Variants in CHODL observed in about 807,000 individuals in gnomAD.
The protein encoded by CHODL is transmembrane protein MT75.
Under a neutral mutation model 34.5 loss-of-function variants are expected in CHODL, and 29 were observed. The observed-to-expected ratio is 0.84, with a 90% confidence interval of 0.63 to 1.15. CHODL has a LOEUF of 1.15. Ranked by LOEUF, CHODL falls within the 50% of genes most tolerant of loss-of-function variation. The pLI is 0.00. For synonymous variants in CHODL, 125 were observed against 116.1 expected, an observed-to-expected ratio of 1.08 and a Z score of -0.49; for missense variants, 332 against 332.5, an observed-to-expected ratio of 1.00 and a Z score of 0.01.
intron 2 of CHODL, among the ~76,000 whole-genome samples, chr21:18,088,900 TC>T (rs2065039314): frequency 6.6e-6 from 1 of 152,142 alleles, no homozygotes; most frequent in African/African-American, 2.4e-5. Flanking sequence ...AAATCAGCAC[TC>T]CTTACCTAGC....
intron 2 of CHODL, among the ~76,000 whole-genome samples, chr21:18,028,255 T>TCTCC: frequency 1.4e-5 from 1 of 69,740 alleles, no homozygotes. Flanking sequence ...CCCTTTTCCT[T>TCTCC]TTCTTTTTCT....
chr21:17,919,539 C>T (rs1274036591), intron 1 of CHODL, among the ~76,000 whole-genome samples: 3 of 152,084 alleles, frequency 2.0e-5, no homozygotes, highest in Non-Finnish European at 4.4e-5. Flanking sequence ...AGCAGAGGGA[C>T]CCTAGGTCTG....
chr21:17,935,898 A>G (rs1388300160), intron 1 of CHODL, among the ~76,000 whole-genome samples: 1 of 152,194 alleles, frequency 6.6e-6, no homozygotes, highest in East Asian at 1.9e-4. Flanking sequence ...CACTATTTGA[A>G]AGCAATAAAA....
intron 2 of CHODL, among the ~76,000 whole-genome samples, chr21:18,236,440 C>A (rs1465631439): frequency 2.0e-5 from 3 of 152,028 alleles, no homozygotes; most frequent in African/African-American, 7.2e-5. Flanking sequence ...AGCATTTAGA[C>A]CCTTATCTCA....
chr21:18,085,919 T>A (rs1237875229), intron 2 of CHODL, among the ~76,000 whole-genome samples: 1 of 152,128 alleles, frequency 6.6e-6, no homozygotes, highest in Non-Finnish European at 1.5e-5. Flanking sequence ...ATGGGAAGTT[T>A]TCATTGATTA....
rs543342430 is a variant in CHODL at position 17,956,730 on chromosome 21, G to GT, written c.-145+39336dup. On this transcript the variant is annotated intron_variant, in intron 1 of 6. Coordinates refer to the CHODL transcript ENST00000400127. Reference sequence around the variant, plus strand: ...AGAAGGGGCCAGAAAATTATCTGGAGTTTTTTCTATGAGTGCACTAATCCC... The same window carrying GT: ...AGAAGGGGCCAGAAAATTATCTGGAGTTTTTTTCTATGAGTGCACTAATCCC... 6.8e-4 allele frequency among the ~76,000 whole-genome samples: 92 copies of GT among 136,252 alleles called. 12 individuals are homozygous for GT. Among genetic ancestry groups the GT allele is most frequent in the East Asian group, 2.4e-3 (11 of 4,538 alleles). The allele number at this position is 136,252 out of a possible 152,430, so 89.4% of individuals were successfully genotyped here.
intron 2 of CHODL, among the ~76,000 whole-genome samples, chr21:18,033,797 A>G (rs541113743): frequency 8.5e-5 from 13 of 152,142 alleles, no homozygotes; most frequent in Admixed American, 8.5e-4. Context: ...CTGGGAAAGA[A>G]CTCAACATAA....
chr21:18,150,482 C>T (rs1224052636), intron 2 of CHODL, among the ~76,000 whole-genome samples: 1 of 152,008 alleles, frequency 6.6e-6, no homozygotes, highest in Admixed American at 6.6e-5. Flanking sequence ...GCCGGTATCC[C>T]AAGATCACAA....
intron 4 of CHODL, among the ~76,000 whole-genome samples, chr21:18,260,502 C>T (rs1466770372): frequency 6.6e-6 from 1 of 152,098 alleles, no homozygotes; most frequent in Non-Finnish European, 1.5e-5. Flanking sequence ...TGGTACTAAA[C>T]TAAGTGATCC....
chr21:18,261,461 T>A (rs529261145), intron 4 of CHODL, among the ~76,000 whole-genome samples: 214 of 150,036 alleles, frequency 1.4e-3, no homozygotes, highest in African/African-American at 5.1e-3. Flanking sequence ...AGGTCAGGAG[T>A]TCGAGACCAG....
intron 1 of CHODL, among the ~76,000 whole-genome samples, chr21:18,015,358 C>T (rs1243769100): frequency 6.6e-6 from 1 of 152,178 alleles, no homozygotes; most frequent in African/African-American, 2.4e-5. Flanking sequence ...TCTTTGCCTT[C>T]CACCATGATC....
At chr21:18,134,249 GC>G in intron 2 of CHODL, 3 of 484,914 alleles carry the variant, frequency 6.2e-6, no homozygotes, top group South Asian at 4.5e-5. Context: ...ATATGCCTCT[GC>G]CTGATCTTGC....
intron 2 of CHODL, among the ~76,000 whole-genome samples, chr21:18,152,901 A>G (rs6517799): frequency 0.037 from 5,711 of 152,304 alleles, 343 homozygotes; most frequent in African/African-American, 0.13. Context: ...GAGAAGGAAT[A>G]GCCACCATCA....
chr21:17,958,292 T>A (rs2146348659), intron 1 of CHODL, among the ~76,000 whole-genome samples: 1 of 152,190 alleles, frequency 6.6e-6, no homozygotes, highest in East Asian at 1.9e-4. Context: ...ATTTTATGTT[T>A]TTTGCCTTTC....
chr21:18,209,030 C>G (rs530437981), intron 2 of CHODL, among the ~76,000 whole-genome samples: 1 of 152,206 alleles, frequency 6.6e-6, no homozygotes, highest in South Asian at 2.1e-4. Context: ...TGTCTACTGC[C>G]TATGTTTGCT....
intron 1 of CHODL, among the ~76,000 whole-genome samples, chr21:17,995,666 G>A (rs1355583928): frequency 6.6e-6 from 1 of 152,178 alleles, no homozygotes; most frequent in Non-Finnish European, 1.5e-5. Context: ...TGTGCAGTTA[G>A]GTTCCTGCCT....
chr21:18,217,993 G>A (rs76434729), intron 2 of CHODL, among the ~76,000 whole-genome samples: 6,416 of 152,276 alleles, frequency 0.042, 170 homozygotes, highest in Non-Finnish European at 0.055. Context: ...CTTCACACAT[G>A]TAGCTTTACT....
At chr21:18,048,895 G>A (rs1266873638) in intron 2 of CHODL, among the ~76,000 whole-genome samples, 1 of 151,824 alleles carries the variant, frequency 6.6e-6, no homozygotes, top group Non-Finnish European at 1.5e-5. Flanking sequence ...ATTGGTTATA[G>A]ATTTGTTTTA....
chr21:17,924,426 G>T (rs1416373982), intron 1 of CHODL, among the ~76,000 whole-genome samples: 2 of 152,186 alleles, frequency 1.3e-5, no homozygotes, highest in African/African-American at 4.8e-5. Flanking sequence ...GGAGACCGGA[G>T]AGAAATGATG....
Sources: allele counts gnomAD v4.1 joint callset (sites outside exome capture counted in the v4.1 genomes callset), GRCh38; gene constraint gnomAD v4.1.1; transcripts MANE v1.5; gene names NCBI Gene and HGNC (gene_info 2026-07-23, HGNC 2026-07-21).